Variants in ZNF407 observed in about 807,000 individuals in gnomAD.
ZNF407 encodes zinc finger protein 407.
In ZNF407, 17 loss-of-function variants were observed where a neutral mutation model predicts 131.2. The observed-to-expected ratio is 0.13, with a 90% CI of 0.09 to 0.19. ZNF407 has a LOEUF of 0.19. Among genes scored for constraint, ZNF407 ranks in the 10% least tolerant of loss-of-function variants. ZNF407 has a pLI of 1.00. For synonymous variants in ZNF407, 1,156 were observed against 1,062.0 expected (o/e 1.09, Z -1.72); for missense variants, 2,681 against 2,830.6 (o/e 0.95, Z 1.20).
At chr18:74,961,610 C>T (rs1705875066) in intron 8 of ZNF407, among the ~76,000 whole-genome samples, 1 of 151,850 alleles carries the variant, frequency 6.6e-6, no homozygotes, top group Non-Finnish European at 1.5e-5. Context: ...GTCCCAGCTA[C>T]TCGGGAGGCT....
chr18:74,856,896 C>T (rs1970866552), intron 4 of ZNF407, among the ~76,000 whole-genome samples: 1 of 152,100 alleles, frequency 6.6e-6, no homozygotes. Context: ...TAATAAGAAG[C>T]CAGGAACAAG....
chr18:74,887,618 G>A (rs1350715479), intron 6 of ZNF407, among the ~76,000 whole-genome samples: 1 of 152,096 alleles, frequency 6.6e-6, no homozygotes, highest in Non-Finnish European at 1.5e-5. Flanking sequence ...AAGCATTTGT[G>A]TGCTTCTTTC....
At chr18:74,674,158 A>G (rs751106355) in intron 3 of ZNF407, among the ~76,000 whole-genome samples, 1 of 152,140 alleles carries the variant, frequency 6.6e-6, no homozygotes, top group Non-Finnish European at 1.5e-5. Context: ...TAACCCTTCC[A>G]TGGTTGCTAC....
intron 2 of ZNF407, among the ~76,000 whole-genome samples, chr18:74,639,877 AT>A (rs1051373947): frequency 0.012 from 1,822 of 147,190 alleles, 29 homozygotes; most frequent in African/African-American, 0.042. Context: ...TTCTTGGAGG[AT>A]TTTTTTTTTT....
chr18:74,940,508 C>A (rs2930548), intron 8 of ZNF407, among the ~76,000 whole-genome samples: 6,518 of 152,058 alleles, frequency 0.043, 490 homozygotes, highest in African/African-American at 0.15. Flanking sequence ...GAAGCTGATG[C>A]GCTCAGGGCT....
At chr18:74,792,499 T>C (rs763098912) in intron 4 of ZNF407, among the ~76,000 whole-genome samples, 41 of 150,530 alleles carry the variant, frequency 2.7e-4, no homozygotes, top group Non-Finnish European at 5.2e-4. Context: ...TATTTCTGGA[T>C]AACAAGTCTT....
chr18:74,912,323 G>A (rs1971685297), intron 7 of ZNF407, among the ~76,000 whole-genome samples: 2 of 152,006 alleles, frequency 1.3e-5, no homozygotes, highest in African/African-American at 4.8e-5. Context: ...CCACTGTCCC[G>A]TGAGTGATTT....
chr18:75,001,189 A>G (rs1972841355), intron 8 of ZNF407, among the ~76,000 whole-genome samples: 1 of 152,166 alleles, frequency 6.6e-6, no homozygotes, highest in African/African-American at 2.4e-5. Flanking sequence ...ATGGGTGGGG[A>G]AGATAGATAT....
At chr18:74,877,472 A>G in intron 5 of ZNF407, 109 bp downstream of exon 5, 1 of 1,033,136 alleles carries the variant, frequency 9.7e-7, no homozygotes, top group Non-Finnish European at 1.4e-6. Context: ...AATGGAAATG[A>G]TGTCCTGCTT....
Position 75,064,010 on chromosome 18 carries a change from T to A in ZNF407, c.6289T>A (p.Leu2097Met). The A allele has an allele frequency of 6.2e-7, 1 of 1,609,062 alleles. No individual in the cohort carries two copies. Among genetic ancestry groups the A allele is most frequent in the Non-Finnish European group, 8.5e-7 (1 of 1,178,124 alleles). ...GTGTGACACGGCCGCGGCCGGCCAG[T>A]TGGTCAAGGACGGTGTCACCCAGGT... is the stretch of plus-strand genomic sequence containing the variant. ...AVCDTAAAGQ[L>M]VKDGVTQVVV... The change falls in exon 9 of 9, where the codon TTG (leucine) becomes ATG (methionine). Residue 2097 changes from leucine to methionine, a missense_variant. Leu to Met is a conservative substitution (Grantham distance 15). Around this residue, in one of 6 missense-constraint regions of ZNF407, gnomAD observed 620 missense variants for 583.1 expected, o/e 1.06. Coordinates refer to ENST00000299687, the MANE Select transcript of ZNF407 (RefSeq NM_017757.3).
chr18:74,995,885 A>G (rs1002889318), intron 8 of ZNF407, among the ~76,000 whole-genome samples: 1 of 152,178 alleles, frequency 6.6e-6, no homozygotes, highest in Non-Finnish European at 1.5e-5. Flanking sequence ...TACTTTGAGA[A>G]TTTTTAGAAT....
intron 8 of ZNF407, among the ~76,000 whole-genome samples, chr18:74,964,746 T>C (rs905197450): frequency 6.6e-6 from 1 of 152,228 alleles, no homozygotes; most frequent in Admixed American, 6.5e-5. Context: ...TGAATGTTAA[T>C]ATTTTCTTGC....
At chr18:74,744,044 A>G (rs932149319) in intron 3 of ZNF407, among the ~76,000 whole-genome samples, 15 of 152,136 alleles carry the variant, frequency 9.9e-5, no homozygotes, top group Admixed American at 4.6e-4. Flanking sequence ...GTTGATTCCA[A>G]TTTTGGCTCT....
At chr18:74,702,211 G>A (rs538711050) in intron 3 of ZNF407, among the ~76,000 whole-genome samples, 6 of 152,174 alleles carry the variant, frequency 3.9e-5, no homozygotes, top group South Asian at 4.2e-4. Flanking sequence ...AGTAGCTCAC[G>A]GTCAAGAAGG....
chr18:74,770,606 T>C (rs1485594057), intron 3 of ZNF407, among the ~76,000 whole-genome samples: 1 of 152,228 alleles, frequency 6.6e-6, no homozygotes, highest in East Asian at 1.9e-4. Context: ...TTACAGTTCT[T>C]AGAATAGTTA....
chr18:75,001,595 C>T (rs148307014), intron 8 of ZNF407, among the ~76,000 whole-genome samples: 3 of 152,250 alleles, frequency 2.0e-5, no homozygotes, highest in East Asian at 1.9e-4. Context: ...AAACAGAATG[C>T]GTTCAACCCA....
rs1353008914 is a variant in ZNF407 at position 75,063,859 on chromosome 18, C to T, written c.6138C>T (p.Ala2046=). ...EAPEIQMFPQ[A]QESPAAVEVL... ...CCGAGATCCAGATGTTCCCACAGGC[C>T]CAGGAGAGCCCGGCCGCCGTGGAGG... is the stretch of plus-strand genomic sequence containing the variant. Residue 2046 remains alanine, a synonymous_variant, in exon 9 of 9, where the codon GCC becomes GCT. Transcript: ENST00000299687. The surrounding 1 kb of genome is among the most constrained non-coding windows in gnomAD (Gnocchi z 6.6). 10 of 1,610,958 alleles carry T rather than the reference C, an allele frequency of 6.2e-6. No individual in the cohort carries two copies. The highest frequency in any genetic ancestry group is 5.3e-5 in the African/African-American group (4 of 74,874).
chr18:74,811,378 G>T (rs1338636471), intron 4 of ZNF407, among the ~76,000 whole-genome samples: 1 of 152,058 alleles, frequency 6.6e-6, no homozygotes, highest in South Asian at 2.1e-4. Context: ...GGAAACAAAG[G>T]TGCTGGAGAG....
chr18:74,801,131 AATG>A (rs1970012543), intron 4 of ZNF407, among the ~76,000 whole-genome samples: 1 of 152,156 alleles, frequency 6.6e-6, no homozygotes. Flanking sequence ...ATAGTAATAT[AATG>A]ATCATTAGTG....
Sources: allele counts gnomAD v4.1 joint callset (sites outside exome capture counted in the v4.1 genomes callset), GRCh38; gene constraint gnomAD v4.1.1; regional missense constraint gnomAD v4.1.1; non-coding constraint Gnocchi (gnomAD v3.1); transcripts MANE v1.5; gene names NCBI Gene and HGNC (gene_info 2026-07-23, HGNC 2026-07-21).